LHFPL6: variants seen among roughly 807,000 people sequenced by gnomAD.
The protein encoded by LHFPL6 is LHFPL tetraspan subfamily member 6 protein.
LHFPL6 carries 9 observed loss-of-function variants against 20.6 expected under a neutral mutation model. That is an observed-to-expected ratio of 0.44 (90% CI 0.26 to 0.76). The LOEUF (loss-of-function observed/expected upper bound fraction) is 0.76. LHFPL6 is among the 30% of genes least tolerant of loss of function. The pLI is 0.20. For synonymous variants in LHFPL6, 105 were observed against 98.7 expected, an observed-to-expected ratio of 1.06 and a Z score of -0.38; for missense variants, 218 against 253.5, an observed-to-expected ratio of 0.86 and a Z score of 0.95.
In LHFPL6 at chr13:39,390,073, A is replaced by T. The variant is rs945342582; in HGVS notation, c.386-11547T>A. Among the ~76,000 whole-genome samples, 66 of 152,310 alleles carry T rather than the reference A, an allele frequency of 4.3e-4. 2 individuals carry two copies. The highest frequency in any genetic ancestry group is 3.4e-3 in the Admixed American group (52 of 15,286). ...TTTTTTTAAAAAGTTTGGATAAGAA[A>T]TAATTCCTCTTCTTACATATTTCTA... On this transcript the variant is annotated intron_variant, in intron 2 of 3. Coordinates refer to ENST00000379589, the MANE Select transcript of LHFPL6 (RefSeq NM_005780.3).
At chr13:39,499,638 G>C in intron 2 of LHFPL6, among the ~76,000 whole-genome samples, 1 of 152,190 alleles carries the variant, frequency 6.6e-6, no homozygotes, top group East Asian at 1.9e-4. Flanking sequence ...GACACTACCT[G>C]GGTTTCTGAG....
chr13:39,478,727 G>A (rs1868393746), intron 2 of LHFPL6, among the ~76,000 whole-genome samples: 1 of 151,484 alleles, frequency 6.6e-6, no homozygotes, highest in Admixed American at 6.6e-5. Context: ...CACCCCTCTT[G>A]CTTTTGGTCT....
intron 3 of LHFPL6, among the ~76,000 whole-genome samples, chr13:39,350,557 G>T (rs759154340): frequency 6.6e-6 from 1 of 152,192 alleles, no homozygotes. Context: ...GGCAATAAAT[G>T]CTTGTTATTA....
chr13:39,521,087 A>T (rs1350419583), intron 2 of LHFPL6, among the ~76,000 whole-genome samples: 1 of 152,152 alleles, frequency 6.6e-6, no homozygotes, highest in African/African-American at 2.4e-5. Flanking sequence ...GACAACAATT[A>T]TTCTCCTTTC....
chr13:39,515,777 C>A (rs982375705), intron 2 of LHFPL6, among the ~76,000 whole-genome samples: 3 of 151,918 alleles, frequency 2.0e-5, no homozygotes, highest in Non-Finnish European at 2.9e-5. Flanking sequence ...AAAAGAGACA[C>A]AAATTACAGG....
intron 2 of LHFPL6, among the ~76,000 whole-genome samples, chr13:39,499,069 A>G (rs1393365355): frequency 6.6e-6 from 1 of 151,890 alleles, no homozygotes; most frequent in African/African-American, 2.4e-5. Flanking sequence ...TGCCATGTTG[A>G]CCAGGCTGGT....
At chr13:39,430,501 T>C (rs1871764490) in intron 2 of LHFPL6, among the ~76,000 whole-genome samples, 1 of 152,194 alleles carries the variant, frequency 6.6e-6, no homozygotes, top group African/African-American at 2.4e-5. Context: ...TGAGTGCAAA[T>C]CTTCATCTCA....
chr13:39,378,425 T>C lies in LHFPL6; in HGVS notation c.484+3A>G, dbSNP rs772808969. ...AGGAGTGCCATCCATGAAGAAAGCT[T>C]ACCCAGGTCAAACTGGCCAGAAGTG... On this transcript the variant is annotated splice_donor_region_variant and intron_variant, in intron 3 of 3. Transcript: ENST00000379589. 30 of 1,612,650 alleles carry C rather than the reference T, an allele frequency of 1.9e-5. No individual in the cohort carries two copies. The Admixed American group carries it at 4.5e-4, about 24-fold the overall frequency.
chr13:39,486,689 C>T (rs1160186830), intron 2 of LHFPL6, among the ~76,000 whole-genome samples: 1 of 151,868 alleles, frequency 6.6e-6, no homozygotes, highest in Non-Finnish European at 1.5e-5. Flanking sequence ...GAAGTTCAAT[C>T]CCACCAGCTT....
intron 2 of LHFPL6, among the ~76,000 whole-genome samples, chr13:39,526,958 CA>C (rs1870310131): frequency 6.6e-6 from 1 of 152,142 alleles, no homozygotes; most frequent in African/African-American, 2.4e-5. Flanking sequence ...CTTCGAATTA[CA>C]TATTTATTCC....
chr13:39,509,611 T>C (rs1869616859), intron 2 of LHFPL6, among the ~76,000 whole-genome samples: 1 of 152,186 alleles, frequency 6.6e-6, no homozygotes, highest in South Asian at 2.1e-4. Context: ...TATTCCAGTA[T>C]TATCAATGCT....
At chr13:39,602,660 T>G (rs1392016981) in intron 1 of LHFPL6, among the ~76,000 whole-genome samples, 4 of 152,158 alleles carry the variant, frequency 2.6e-5, no homozygotes, top group Admixed American at 2.6e-4. Context: ...AGAGGCATTT[T>G]CCAGCCGGCT....
At chr13:39,489,287 G>A (rs1342853439) in intron 2 of LHFPL6, among the ~76,000 whole-genome samples, 1 of 152,068 alleles carries the variant, frequency 6.6e-6, no homozygotes, top group East Asian at 1.9e-4. Flanking sequence ...TCTTTTTCTA[G>A]AGTGAAAGAA....
At chr13:39,499,136 T>A (rs1566125438) in intron 2 of LHFPL6, among the ~76,000 whole-genome samples, 1 of 152,060 alleles carries the variant, frequency 6.6e-6, no homozygotes. Flanking sequence ...GTGCTAAGAT[T>A]ACAGGCGTGT....
intron 2 of LHFPL6, among the ~76,000 whole-genome samples, chr13:39,547,395 A>C (rs1871015408): frequency 1.3e-5 from 2 of 152,018 alleles, no homozygotes; most frequent in African/African-American, 2.4e-5. Flanking sequence ...AATCAAAATC[A>C]ATTTGCTGAA....
intron 2 of LHFPL6, among the ~76,000 whole-genome samples, chr13:39,493,976 C>T (rs1869016185): frequency 6.6e-6 from 1 of 152,188 alleles, no homozygotes; most frequent in African/African-American, 2.4e-5. Flanking sequence ...TTAGAAGGTG[C>T]AAGGTGACCT....
At chr13:39,381,827 A>G (rs9603528) in intron 2 of LHFPL6, among the ~76,000 whole-genome samples, 280 of 8,226 alleles carry the variant, frequency 0.034, 2 homozygotes, top group Middle Eastern at 0.12. Context: ...ATTTATAGAC[A>G]AAAAAAAAAA....
chr13:39,406,532 A>C (rs946637228), intron 2 of LHFPL6, among the ~76,000 whole-genome samples: 9 of 152,176 alleles, frequency 5.9e-5, no homozygotes, highest in African/African-American at 1.9e-4. Context: ...CACATACATA[A>C]GTAATTCTTG....
intron 2 of LHFPL6, among the ~76,000 whole-genome samples, chr13:39,424,135 AT>A (rs1470546800): frequency 6.6e-6 from 1 of 152,226 alleles, no homozygotes; most frequent in African/African-American, 2.4e-5. Context: ...GTTATAGAAA[AT>A]TATCGTTTTT....
Sources: gnomAD v4.1 joint callset for allele counts (sites outside exome capture counted in the v4.1 genomes callset) on GRCh38, gnomAD v4.1.1 for gene constraint, MANE v1.5 for transcripts, NCBI Gene and HGNC (gene_info 2026-07-23, HGNC 2026-07-21) for gene names.